Variants in XRCC4 observed in about 807,000 individuals in gnomAD.
XRCC4 encodes DNA repair protein XRCC4.
Under a neutral mutation model 39.1 loss-of-function variants are expected in XRCC4, and 28 were observed. That is an observed-to-expected ratio of 0.72 (90% CI 0.53 to 0.98). The LOEUF (loss-of-function observed/expected upper bound fraction) is 0.98, where lower values mean the gene tolerates loss of function less well. Ranked by LOEUF, XRCC4 falls within the 50% of genes least tolerant of loss-of-function variation. The pLI is 0.00. For synonymous variants in XRCC4, 123 were observed against 126.4 expected (o/e 0.97, Z 0.18); for missense variants, 350 against 376.4 (o/e 0.93, Z 0.58).
chr5:83,268,410 T>C (rs1426614880), intron 7 of XRCC4, among the ~76,000 whole-genome samples: 2 of 152,198 alleles, frequency 1.3e-5, no homozygotes, highest in African/African-American at 4.8e-5. Context: ...TGCTGCTATA[T>C]TTATCTACTC....
intron 3 of XRCC4, among the ~76,000 whole-genome samples, chr5:83,189,130 G>T (rs1750582312): frequency 6.6e-6 from 1 of 152,076 alleles, no homozygotes; most frequent in Non-Finnish European, 1.5e-5. Flanking sequence ...ACCTAATTAA[G>T]CCAGGATATA....
At chr5:83,215,354 A>G (rs1200000793) in intron 6 of XRCC4, among the ~76,000 whole-genome samples, 2 of 152,146 alleles carry the variant, frequency 1.3e-5, no homozygotes, top group Non-Finnish European at 2.9e-5. Flanking sequence ...AAACAAAAAA[A>G]TTAATATTGT....
At chr5:83,293,605 C>T (rs563238067) in intron 7 of XRCC4, among the ~76,000 whole-genome samples, 1 of 151,984 alleles carries the variant, frequency 6.6e-6, no homozygotes, top group East Asian at 1.9e-4. Context: ...CTGCTAAGCA[C>T]ATCCTCTAAT....
chr5:83,296,327 T>C (rs977956980), intron 7 of XRCC4, among the ~76,000 whole-genome samples: 3 of 152,090 alleles, frequency 2.0e-5, no homozygotes, highest in Non-Finnish European at 4.4e-5. Flanking sequence ...CTTTAATTTA[T>C]TTCAACACAG....
At chr5:83,330,424 T>A (rs1756400775) in intron 7 of XRCC4, among the ~76,000 whole-genome samples, 1 of 151,992 alleles carries the variant, frequency 6.6e-6, no homozygotes, top group Non-Finnish European at 1.5e-5. Context: ...TTCTTAATGG[T>A]GAGTATAAGA....
chr5:83,300,580 CT>C (rs70973390), intron 7 of XRCC4, among the ~76,000 whole-genome samples: 65 of 122,058 alleles, frequency 5.3e-4, no homozygotes, highest in African/African-American at 1.4e-3. Flanking sequence ...GTGTGTGTCC[CT>C]TTTTTTTTTT....
At chr5:83,094,001 T>C (rs992315286) in intron 1 of XRCC4, among the ~76,000 whole-genome samples, 19 of 152,124 alleles carry the variant, frequency 1.2e-4, no homozygotes, top group Admixed American at 1.0e-3. Flanking sequence ...CCCTTTTATG[T>C]GTGATTTCTT....
At chr5:83,203,400 A>G (rs1281894875) in intron 4 of XRCC4, 152 bp from the exon 5 acceptor site, 16 of 575,354 alleles carry the variant, frequency 2.8e-5, no homozygotes, top group Admixed American at 4.2e-5. Context: ...TGTGTATTTA[A>G]CCATCTTTAT....
At chr5:83,117,902 A>AC (rs1198882304) in intron 3 of XRCC4, among the ~76,000 whole-genome samples, 2 of 150,772 alleles carry the variant, frequency 1.3e-5, no homozygotes, top group Non-Finnish European at 3.0e-5. Flanking sequence ...CCTTGCCTGG[A>AC]CCCCCTGACC....
At chr5:83,350,309 GTTATGTT>G (rs1364254507) in intron 7 of XRCC4, among the ~76,000 whole-genome samples, 1 of 152,166 alleles carries the variant, frequency 6.6e-6, no homozygotes. Flanking sequence ...TTGGATGATA[GTTATGTT>G]TTAAGTCCTT....
At chr5:83,181,891 T>C (rs976885515) in intron 3 of XRCC4, among the ~76,000 whole-genome samples, 1 of 152,144 alleles carries the variant, frequency 6.6e-6, no homozygotes, top group African/African-American at 2.4e-5. Flanking sequence ...CGCCAGGGTA[T>C]GGACTGCTGA....
At position 83,139,769 on chromosome 5, in the gene XRCC4, C is replaced by A. The variant is rs557451098; in HGVS notation, c.315+28566C>A. Among the ~76,000 whole-genome samples, 25 of 152,222 alleles carry A rather than the reference C, an allele frequency of 1.6e-4. No individual in the cohort carries two copies. In the South Asian group the frequency reaches 4.4e-3, roughly 26 times the overall value. On this transcript the variant is annotated intron_variant, in intron 3 of 7. Transcript: ENST00000396027. ...AGGCAGTTGTAATACAGTGGTAAATCTTTGTGTATCTACACACACCTAAAC... is the reference window on the plus strand; with the variant it reads ...AGGCAGTTGTAATACAGTGGTAAATATTTGTGTATCTACACACACCTAAAC...
In XRCC4 at chr5:83,131,864, CAT is replaced by C. The variant is rs1278838703; in HGVS notation, c.315+20662_315+20663del. Among the ~76,000 whole-genome samples the C allele has an allele frequency of 4.6e-5, 7 of 152,226 alleles. No individual in the cohort carries two copies. The East Asian group carries it at 1.2e-3, about 25-fold the overall frequency. On this transcript the variant is annotated intron_variant, in intron 3 of 7. Transcript: ENST00000396027. ...GCCTGTCTGTGTCTTTTAATTGGAG[CAT>C]TTAGCCCATTTACATTTAAGGTTCA...
At chr5:83,253,872 G>A (rs1421018997) in intron 6 of XRCC4, among the ~76,000 whole-genome samples, 1 of 152,022 alleles carries the variant, frequency 6.6e-6, no homozygotes, top group Non-Finnish European at 1.5e-5. Flanking sequence ...CCTTTCTCAT[G>A]TCTGAACTAC....
At chr5:83,087,236 G>A (rs1240581552) in intron 1 of XRCC4, among the ~76,000 whole-genome samples, 1 of 151,974 alleles carries the variant, frequency 6.6e-6, no homozygotes, top group Non-Finnish European at 1.5e-5. Flanking sequence ...AGAATTGCTT[G>A]AACCTGGGAG....
At chr5:83,088,832 A>G (rs1745297546) in intron 1 of XRCC4, among the ~76,000 whole-genome samples, 1 of 152,158 alleles carries the variant, frequency 6.6e-6, no homozygotes, top group African/African-American at 2.4e-5. Flanking sequence ...AAGATTATTG[A>G]TAATTTGACT....
chr5:83,120,584 A>G (rs537578759), intron 3 of XRCC4, among the ~76,000 whole-genome samples: 2 of 152,184 alleles, frequency 1.3e-5, no homozygotes, highest in Admixed American at 6.5e-5. Flanking sequence ...ATAGTATAAC[A>G]TTTTTGAGAT....
intron 7 of XRCC4, among the ~76,000 whole-genome samples, chr5:83,260,432 C>T (rs934971392): frequency 6.6e-6 from 1 of 152,034 alleles, no homozygotes; most frequent in Non-Finnish European, 1.5e-5. Context: ...AGCTCCTGTC[C>T]TCATGGAACT....
chr5:83,307,064 A>G (rs73769447), intron 7 of XRCC4, among the ~76,000 whole-genome samples: 2 of 152,162 alleles, frequency 1.3e-5, no homozygotes, highest in East Asian at 3.9e-4. Flanking sequence ...CCCTGTTAAC[A>G]TAGTCTAGCC....
Sources: allele counts gnomAD v4.1 joint callset (sites outside exome capture counted in the v4.1 genomes callset), GRCh38; gene constraint gnomAD v4.1.1; transcripts MANE v1.5; gene names NCBI Gene and HGNC (gene_info 2026-07-23, HGNC 2026-07-21).